MCTP1: variants seen among roughly 807,000 people sequenced by gnomAD.
The protein encoded by MCTP1 is multiple C2 and transmembrane domain containing 1, also known as multiple C2 and transmembrane domain-containing protein 1.
MCTP1 carries 69 observed loss-of-function variants against 120.6 expected under a neutral mutation model. That is an observed-to-expected ratio of 0.57 (90% confidence interval 0.47 to 0.70). MCTP1 has a LOEUF of 0.70. Among genes scored for constraint, MCTP1 ranks in the 30% least tolerant of loss-of-function variants. The pLI, the probability that MCTP1 is intolerant of heterozygous loss-of-function variation, is 0.00. For synonymous variants in MCTP1, 529 were observed against 493.1 expected (o/e 1.07, Z -0.96); for missense variants, 1,203 against 1,248.8 (o/e 0.96, Z 0.55).
chr5:95,284,609 TCC>T lies in MCTP1; in HGVS notation c.-36_-35del. The T allele has an allele frequency of 7.4e-7, 1 of 1,346,244 alleles. No homozygotes were observed. The highest frequency in any genetic ancestry group is 9.6e-7 in the Non-Finnish European group (1 of 1,041,338). The allele number at this position is 1,346,244 out of a possible 1,614,324, so 83.4% of individuals were successfully genotyped here. A position where few individuals can be genotyped will look rare whatever the true frequency, so the allele number is the denominator to read the frequency against. On this transcript the variant is annotated 5_prime_UTR_variant, in exon 1 of 23. Coordinates refer to ENST00000515393, the MANE Select transcript of MCTP1 (RefSeq NM_024717.7). This position sits in a 1 kb window ranked among gnomAD's most constrained non-coding sequence, Gnocchi z 5.2. ...CCCTGCTCCTCCTCTCCCCTCCTCCTCCTCCTCCTCCTCCTGCTTCTCCTCCC... is the reference window on the plus strand; with the variant it reads ...CCCTGCTCCTCCTCTCCCCTCCTCCTTCCTCCTCCTCCTGCTTCTCCTCCC...
In MCTP1 at chr5:95,207,938, A is replaced by G. The variant is rs1485672377; in HGVS notation, c.720+75918T>C. 8.2e-5 allele frequency among the ~76,000 whole-genome samples: 11 copies of G among 134,534 alleles called. No individual in the cohort carries two copies. In the East Asian group the frequency reaches 9.2e-4, roughly 11 times the overall value. 88.3% of individuals were successfully genotyped at this position (134,534 alleles called of 152,430 possible). On this transcript the variant is annotated intron_variant, in intron 1 of 22. Coordinates refer to ENST00000515393, the MANE Select transcript of MCTP1 (RefSeq NM_024717.7). ...AAAAGAATGAGCGGGCGAGAGAGAGAGAGAGAGAGGGAGAGAGAGGGAGAG... is the reference window on the plus strand; with the variant it reads ...AAAAGAATGAGCGGGCGAGAGAGAGGGAGAGAGAGGGAGAGAGAGGGAGAG...
intron 1 of MCTP1, among the ~76,000 whole-genome samples, chr5:95,192,579 ATATT>A (rs1000328601): frequency 2.0e-5 from 3 of 152,132 alleles, no homozygotes; most frequent in Non-Finnish European, 4.4e-5. Context: ...AAGGGCAGAC[ATATT>A]TATTTAAGAT....
At chr5:95,133,853 T>G (rs73140081) in intron 1 of MCTP1, among the ~76,000 whole-genome samples, 1,838 of 152,300 alleles carry the variant, frequency 0.012, 37 homozygotes, top group African/African-American at 0.041. Context: ...TTAAGGTCCA[T>G]GTAGTAAGTT....
At chr5:95,141,426 A>T (rs992585325) in intron 1 of MCTP1, among the ~76,000 whole-genome samples, 3 of 152,348 alleles carry the variant, frequency 2.0e-5, no homozygotes, top group East Asian at 1.9e-4. Context: ...TCTGCCTCTC[A>T]GCGTCTAGCC....
At chr5:94,895,039 A>G (rs1803615536) in intron 10 of MCTP1, among the ~76,000 whole-genome samples, 1 of 152,240 alleles carries the variant, frequency 6.6e-6, no homozygotes, top group African/African-American at 2.4e-5. Context: ...TTCCTGTAAG[A>G]TACAAAAAAA....
chr5:95,281,961 C>CT (rs1173905454), intron 1 of MCTP1, among the ~76,000 whole-genome samples: 2 of 152,232 alleles, frequency 1.3e-5, no homozygotes, highest in Non-Finnish European at 2.9e-5. Context: ...ATTCTGGAGA[C>CT]TGACTTGAGT....
At chr5:94,843,229 G>A (rs1298831753) in intron 17 of MCTP1, among the ~76,000 whole-genome samples, 1 of 151,920 alleles carries the variant, frequency 6.6e-6, no homozygotes, top group African/African-American at 2.4e-5. Flanking sequence ...TCCTTTAAAG[G>A]CTCAAACTCA....
chr5:95,120,504 T>A (rs952459456), intron 1 of MCTP1, among the ~76,000 whole-genome samples: 1 of 152,186 alleles, frequency 6.6e-6, no homozygotes, highest in Non-Finnish European at 1.5e-5. Context: ...GTGGGATTTA[T>A]CCCATGAATG....
intron 17 of MCTP1, among the ~76,000 whole-genome samples, chr5:94,821,047 T>C (rs886678081): frequency 1.3e-5 from 2 of 152,184 alleles, no homozygotes; most frequent in African/African-American, 4.8e-5. Flanking sequence ...AGCAAGTAAA[T>C]GGCATTTTAC....
chr5:94,913,041 TA>T, intron 8 of MCTP1, 65 bp from the exon 9 acceptor site: 1 of 1,249,024 alleles, frequency 8.0e-7, no homozygotes, highest in Non-Finnish European at 1.1e-6. Context: ...ATTTTGGCGT[TA>T]CCTTTTCTCC....
At chr5:95,191,842 T>G (rs180693736) in intron 1 of MCTP1, among the ~76,000 whole-genome samples, 4 of 152,124 alleles carry the variant, frequency 2.6e-5, no homozygotes, top group East Asian at 3.9e-4. Flanking sequence ...AGGCTAAAAT[T>G]TTAAACAAAC....
rs1370336459 is a variant in MCTP1 at position 95,284,976 on chromosome 5, C to A, written c.-401G>T. Among the ~76,000 whole-genome samples the A allele has an allele frequency of 6.6e-6, 1 of 152,156 alleles. No homozygotes were observed. The highest frequency in any genetic ancestry group is 6.5e-5 in the Admixed American group (1 of 15,290). On this transcript the variant is annotated 5_prime_UTR_variant, in exon 1 of 23. Transcript: ENST00000515393. This position sits in a 1 kb window ranked among gnomAD's most constrained non-coding sequence, Gnocchi z 5.2. The stretch of plus-strand genomic sequence containing the variant: ...GCTCGGGAAGCTGCACGCACCGGGG[C>A]GTGCGCGTCCAGCTGCGCCAGGGAC...
In MCTP1 at chr5:95,176,338, A is replaced by AC. The variant is rs1747976798; in HGVS notation, c.720+107517dup. On this transcript the variant is annotated intron_variant, in intron 1 of 22. Coordinates refer to ENST00000515393, the MANE Select transcript of MCTP1 (RefSeq NM_024717.7). ...CGAGGAGTTCGAGACTAGCCTGGCC[A>AC]CCATGGTGAAGCCCCATCTCTACTA... Among the ~76,000 whole-genome samples the AC allele has an allele frequency of 2.0e-5, 3 of 152,166 alleles. No homozygotes were observed. In the South Asian group the frequency reaches 6.2e-4, roughly 32 times the overall value.
At chr5:95,242,487 A>G (rs1562270333) in intron 1 of MCTP1, among the ~76,000 whole-genome samples, 1 of 152,210 alleles carries the variant, frequency 6.6e-6, no homozygotes, top group Non-Finnish European at 1.5e-5. Context: ...AAGTAGAAAC[A>G]GCCCAAAGGT....
At chr5:94,720,843 G>C (rs192119559) in intron 19 of MCTP1, among the ~76,000 whole-genome samples, 3 of 152,230 alleles carry the variant, frequency 2.0e-5, no homozygotes, top group African/African-American at 7.2e-5. Context: ...GAAAGAAATG[G>C]AATATAAACA....
chr5:95,189,448 C>T (rs1749591445), intron 1 of MCTP1, among the ~76,000 whole-genome samples: 1 of 152,118 alleles, frequency 6.6e-6, no homozygotes, highest in South Asian at 2.1e-4. Flanking sequence ...GCAAATTATA[C>T]CTCAACAACT....
intron 1 of MCTP1, among the ~76,000 whole-genome samples, chr5:95,264,048 G>A (rs886756261): frequency 1.5e-4 from 23 of 152,192 alleles, no homozygotes; most frequent in Admixed American, 1.0e-3. Context: ...GCAGCAATGG[G>A]TAAACACTAC....
chr5:94,767,392 A>C (rs1363608155), intron 19 of MCTP1, among the ~76,000 whole-genome samples: 2 of 152,228 alleles, frequency 1.3e-5, no homozygotes, highest in Non-Finnish European at 2.9e-5. Flanking sequence ...CTTGTTCAAC[A>C]TAGTACTGAA....
chr5:95,027,599 A>C (rs926684100), intron 1 of MCTP1, among the ~76,000 whole-genome samples: 2 of 152,196 alleles, frequency 1.3e-5, no homozygotes, highest in African/African-American at 4.8e-5. Flanking sequence ...ACATTGTAAC[A>C]GGGCATACAG....
Sources: allele counts gnomAD v4.1 joint callset (sites outside exome capture counted in the v4.1 genomes callset), GRCh38; gene constraint gnomAD v4.1.1; non-coding constraint Gnocchi (gnomAD v3.1); transcripts MANE v1.5; gene names NCBI Gene and HGNC (gene_info 2026-07-23, HGNC 2026-07-21).